Variants in TENM2 observed in about 807,000 individuals in gnomAD.
TENM2 encodes teneurin-2.
A neutral mutation model predicts 245.2 loss-of-function variants in TENM2; 52 were observed. The observed-to-expected ratio is 0.21, with a 90% CI of 0.17 to 0.27. The LOEUF (loss-of-function observed/expected upper bound fraction) is 0.27. Ranked by LOEUF, TENM2 falls within the 10% of genes least tolerant of loss-of-function variation. The pLI is 1.00. For synonymous variants in TENM2, 1,363 were observed against 1,438.9 expected (o/e 0.95, Z 1.19); for missense variants, 3,046 against 3,666.8 (o/e 0.83, Z 4.37).
chr5:167,305,259 C>T (rs962240125), intron 1 of TENM2, among the ~76,000 whole-genome samples: 8 of 152,156 alleles, frequency 5.3e-5, no homozygotes, highest in East Asian at 1.9e-4. Context: ...GCAGCTTTGC[C>T]GTCTGGACAC....
In TENM2 at chr5:167,783,406, G is replaced by A. The variant is rs187151539; in HGVS notation, c.503-92580G>A. 1.2e-3 allele frequency among the ~76,000 whole-genome samples: 179 copies of A among 152,138 alleles called. 2 individuals are homozygous for A. In the Middle Eastern group the frequency reaches 0.037, roughly 32 times the overall value. ...CAGGGCAGACCCACATGGCACTGGC[G>A]GCAGAGCTCACCATTGGGAACCAGA... On this transcript the variant is annotated intron_variant, in intron 2 of 28. Coordinates refer to ENST00000518659, the Ensembl canonical transcript of TENM2.
chr5:167,301,935 G>A (rs1450534863), intron 1 of TENM2, among the ~76,000 whole-genome samples: 3 of 152,078 alleles, frequency 2.0e-5, no homozygotes, highest in Non-Finnish European at 4.4e-5. Context: ...GGAGGCTGAG[G>A]AAGAATTGGG....
the TENM2 span, among the ~76,000 whole-genome samples, chr5:167,245,581 A>G: frequency 6.6e-6 from 1 of 151,062 alleles, no homozygotes; most frequent in Non-Finnish European, 1.5e-5. Flanking sequence ...ATCTGTTTGT[A>G]TTATTTACAC....
At chr5:167,753,765 G>T (rs1475188903) in intron 2 of TENM2, among the ~76,000 whole-genome samples, 4 of 152,152 alleles carry the variant, frequency 2.6e-5, no homozygotes, top group Non-Finnish European at 4.4e-5. Flanking sequence ...CACATAGGTG[G>T]ATAGTATTTC....
chr5:167,923,268 G>A (rs1272031555), intron 3 of TENM2, among the ~76,000 whole-genome samples: 1 of 151,770 alleles, frequency 6.6e-6, no homozygotes, highest in Non-Finnish European at 1.5e-5. Flanking sequence ...GCAGTGAGCT[G>A]AGATCGCACC....
intron 13 of TENM2, among the ~76,000 whole-genome samples, chr5:168,185,768 C>A (rs1219869290): frequency 6.6e-6 from 1 of 151,324 alleles, no homozygotes; most frequent in Non-Finnish European, 1.5e-5. Context: ...CAGCCCATAG[C>A]CTACACCAGT....
intron 2 of TENM2, among the ~76,000 whole-genome samples, chr5:167,410,900 C>A (rs563362908): frequency 2.0e-5 from 3 of 152,074 alleles, no homozygotes; most frequent in Admixed American, 2.0e-4. Context: ...GCTACTCCTG[C>A]ATGTAGTTTA....
At chr5:167,624,501 A>AT (rs1301221166) in intron 2 of TENM2, among the ~76,000 whole-genome samples, 5 of 152,178 alleles carry the variant, frequency 3.3e-5, no homozygotes, top group Non-Finnish European at 7.4e-5. Context: ...TATACCCCAT[A>AT]TCTCAGCATC....
intron 23 of TENM2, among the ~76,000 whole-genome samples, chr5:168,224,206 C>T (rs550542942): frequency 2.0e-5 from 3 of 152,190 alleles, no homozygotes; most frequent in South Asian, 2.1e-4. Flanking sequence ...ATTGATTTAG[C>T]AGACCTAAGT....
At chr5:167,273,905 T>A in the TENM2 span, among the ~76,000 whole-genome samples, 1 of 152,138 alleles carries the variant, frequency 6.6e-6, no homozygotes, top group South Asian at 2.1e-4. Context: ...GGGATTTTTT[T>A]AAAGTAGGCT....
At chr5:167,536,924 T>C (rs1164525069) in intron 2 of TENM2, among the ~76,000 whole-genome samples, 1 of 151,950 alleles carries the variant, frequency 6.6e-6, no homozygotes, top group Non-Finnish European at 1.5e-5. Context: ...CTTGGGAGGC[T>C]GAGGCAGGAG....
At chr5:168,001,692 T>C (rs1345228330) in intron 5 of TENM2, among the ~76,000 whole-genome samples, 3 of 152,252 alleles carry the variant, frequency 2.0e-5, no homozygotes, top group Non-Finnish European at 4.4e-5. Flanking sequence ...CAGACTTTTT[T>C]GTGTCCCACA....
the TENM2 span, among the ~76,000 whole-genome samples, chr5:166,989,131 G>A: frequency 2.6e-5 from 4 of 151,652 alleles, no homozygotes; most frequent in Non-Finnish European, 4.4e-5. Flanking sequence ...GTACAGTGGT[G>A]CAATCTCGAT....
At chr5:167,267,638 G>T in the TENM2 span, among the ~76,000 whole-genome samples, 1 of 152,198 alleles carries the variant, frequency 6.6e-6, no homozygotes, top group African/African-American at 2.4e-5. Flanking sequence ...GGGCAACAGA[G>T]GGTAGTAGGC....
At chr5:167,357,548 C>T (rs1272386932) in intron 1 of TENM2, among the ~76,000 whole-genome samples, 1 of 152,134 alleles carries the variant, frequency 6.6e-6, no homozygotes, top group Non-Finnish European at 1.5e-5. Flanking sequence ...ATGTGAGCCA[C>T]TTTGCCCGGC....
At chr5:167,035,619 A>G in the TENM2 span, among the ~76,000 whole-genome samples, 1 of 152,218 alleles carries the variant, frequency 6.6e-6, no homozygotes, top group Non-Finnish European at 1.5e-5. Context: ...AAATGCTGTT[A>G]TTGAAGCTCA....
chr5:167,146,140 C>A, the TENM2 span, among the ~76,000 whole-genome samples: 6 of 152,126 alleles, frequency 3.9e-5, no homozygotes, highest in Non-Finnish European at 8.8e-5. Context: ...ATCACCAAAG[C>A]TCTCTGCCAG....
At chr5:167,912,301 G>GACC (rs752311567) in intron 3 of TENM2, among the ~76,000 whole-genome samples, 8 of 152,166 alleles carry the variant, frequency 5.3e-5, no homozygotes, top group Admixed American at 3.9e-4. Context: ...TCCAGGTTCA[G>GACC]GCTTACTGTC....
intron 2 of TENM2, among the ~76,000 whole-genome samples, chr5:167,463,958 G>C (rs2127497382): frequency 6.6e-6 from 1 of 152,316 alleles, no homozygotes; most frequent in African/African-American, 2.4e-5. Flanking sequence ...GAATTGGGCA[G>C]GTGCATGAGA....
Sources: allele counts gnomAD v4.1 joint callset (sites outside exome capture counted in the v4.1 genomes callset), GRCh38; gene constraint gnomAD v4.1.1; transcripts MANE v1.5; gene names NCBI Gene and HGNC (gene_info 2026-07-23, HGNC 2026-07-21).